The following SMC4 variants were observed in gnomAD, a reference collection of about 807,000 sequenced individuals.
The protein encoded by SMC4 is structural maintenance of chromosomes protein 4.
SMC4 carries 87 observed loss-of-function variants against 145.6 expected under a neutral mutation model. The ratio of observed to expected loss-of-function variants is 0.60; its 90% CI spans 0.50 to 0.71. The LOEUF is 0.71. Ranked by LOEUF, SMC4 falls within the 30% of genes least tolerant of loss-of-function variation. The pLI is 0.00. For synonymous variants in SMC4, 558 were observed against 500.7 expected, an observed-to-expected ratio of 1.11 and a Z score of -1.53; for missense variants, 1,447 against 1,537.1, an observed-to-expected ratio of 0.94 and a Z score of 0.98.
chr3:160,402,406 C>T (rs1028582335), intron 3 of SMC4, among the ~76,000 whole-genome samples: 2 of 151,960 alleles, frequency 1.3e-5, no homozygotes, highest in African/African-American at 4.8e-5. Flanking sequence ...TTAAAGCCTT[C>T]TATGGAACCC....
At chr3:160,430,867 T>A in intron 19 of SMC4, 124 bp downstream of exon 19, 1 of 1,258,640 alleles carries the variant, frequency 7.9e-7, no homozygotes, top group East Asian at 2.6e-5. Context: ...TAACTATCAA[T>A]TTTTATTTGT....
chr3:160,408,771 G>A (rs551578171), intron 5 of SMC4, among the ~76,000 whole-genome samples: 5 of 152,244 alleles, frequency 3.3e-5, no homozygotes, highest in Admixed American at 1.3e-4. Context: ...ATAGGAGATG[G>A]CACAAATGGA....
intron 20 of SMC4, 123 bp from the exon 21 acceptor site, chr3:160,431,520 T>C: frequency 2.6e-6 from 2 of 780,628 alleles, no homozygotes; most frequent in South Asian, 2.0e-5. Flanking sequence ...TGAAAAATAA[T>C]TGATAAATCA....
chr3:160,425,967 T>G, intron 16 of SMC4, 107 bp from the exon 17 acceptor site: 2 of 809,016 alleles, frequency 2.5e-6, no homozygotes, highest in Non-Finnish European at 4.0e-6. Flanking sequence ...CCTCTTCCTA[T>G]TAGTGTGTGT....
intron 5 of SMC4, among the ~76,000 whole-genome samples, chr3:160,409,835 G>A (rs1179492233): frequency 1.3e-5 from 2 of 152,180 alleles, no homozygotes; most frequent in African/African-American, 2.4e-5. Flanking sequence ...GGGAGGCTGA[G>A]GCAAAAGGAT....
intron 15 of SMC4, among the ~76,000 whole-genome samples, 170 bp downstream of exon 15, chr3:160,424,010 T>C (rs895723942): frequency 6.6e-5 from 10 of 152,152 alleles, no homozygotes; most frequent in South Asian, 2.1e-4. Context: ...CTTTAAAGTT[T>C]TAGAAAACAA....
At chr3:160,407,361 T>G (rs1020414950) in intron 5 of SMC4, among the ~76,000 whole-genome samples, 17 of 152,280 alleles carry the variant, frequency 1.1e-4, no homozygotes, top group African/African-American at 3.6e-4. Context: ...GAGACCAGCC[T>G]AGGCAACATG....
At chr3:160,426,684 A>G (rs116621181) in intron 17 of SMC4, among the ~76,000 whole-genome samples, 2,454 of 152,296 alleles carry the variant, frequency 0.016, 38 homozygotes, top group Middle Eastern at 0.041. Flanking sequence ...TAGAATCTTT[A>G]GGCAGGAAAA....
chr3:160,417,956 G>A lies in SMC4; in HGVS notation c.1671G>A (p.Glu557=). ...CTCAAACTGAACAAGAATTAAAGGA[G>A]GTAAATCTTTGCTTCTCTGTTGCAT... ...KLPQTEQELK[E]KEKELQKLTQ... Residue 557 remains glutamate, a splice_region_variant and synonymous_variant, in exon 11 of 24, where the codon GAG becomes GAA. Coordinates refer to ENST00000357388, the MANE Select transcript of SMC4 (RefSeq NM_001002800.3). The A allele has an allele frequency of 6.2e-7, 1 of 1,604,692 alleles. No homozygotes were observed. The highest frequency in any genetic ancestry group is 8.5e-7 in the Non-Finnish European group (1 of 1,173,956).
rs1718301065 is a variant in SMC4, at chr3:160,430,634, CAGAG to C, written c.2833_2836del (p.Glu945LysfsTer3). On this transcript the variant is annotated frameshift_variant, in exon 19 of 24. Transcript: ENST00000357388. LOFTEE classifies it high-confidence loss of function. ...AAGGCACAAGACTCTGTCTTGCGTA[CAGAG>C]AAAGAAATAAAAGATACTGAGAAAG... 1.9e-6 allele frequency: 3 copies of C among 1,612,922 alleles called. No homozygotes were observed. The highest frequency in any genetic ancestry group is 2.5e-6 in the Non-Finnish European group (3 of 1,179,526).
intron 3 of SMC4, 151 bp downstream of exon 3, chr3:160,402,244 C>T (rs1576932249): frequency 1.9e-6 from 1 of 528,692 alleles, no homozygotes. Flanking sequence ...CTCTCACACA[C>T]ACACACACAC....
rs1718789019 is a variant in SMC4 at position 160,434,621 on chromosome 3, G to A, written c.*812G>A. On this transcript the variant is annotated 3_prime_UTR_variant, in exon 24 of 24. Coordinates refer to ENST00000357388, the MANE Select transcript of SMC4 (RefSeq NM_001002800.3). ...TAGGGGTTAATTACTTTAGTAATAA[G>A]TGGAAAGTAAGATACCTTGAGTAAT... 6.6e-6 allele frequency: 1 copy of A among 152,212 alleles called. No individual in the cohort carries two copies. The highest frequency in any genetic ancestry group is 2.1e-4 in the South Asian group (1 of 4,836). The allele number at this position is 152,212 out of a possible 1,614,324, so 9.4% of individuals were successfully genotyped here. A position where few individuals can be genotyped will look rare whatever the true frequency, so the allele number is the denominator to read the frequency against.
intron 18 of SMC4, among the ~76,000 whole-genome samples, chr3:160,429,959 CCT>C (rs1325042818): frequency 2.6e-5 from 4 of 152,072 alleles, no homozygotes; most frequent in African/African-American, 9.7e-5. Context: ...TCATGGTCCC[CCT>C]GCCTCAGCCT....
intron 15 of SMC4, among the ~76,000 whole-genome samples, chr3:160,424,534 C>T (rs570320756): frequency 7.9e-5 from 12 of 152,190 alleles, no homozygotes; most frequent in African/African-American, 2.4e-4. Context: ...TTAGGCTGGG[C>T]GCGGTGGCTC....
In SMC4 at chr3:160,401,965, A is replaced by G. The variant is rs776512140; in HGVS notation, c.190A>G (p.Ser64Gly). 8 of 1,607,870 alleles carry G rather than the reference A, an allele frequency of 5.0e-6. No homozygotes were observed. In the Admixed American group the frequency reaches 5.1e-5, roughly 10 times the overall value. ...DNRSLEEILN[S>G]IPPPPPPAMT... ...TAGAAGTTTAGAAGAGATTTTGAACAGCATTCCTCCTCCCCCGCCTCCAGC... is the reference window on the plus strand; with the variant it reads ...TAGAAGTTTAGAAGAGATTTTGAACGGCATTCCTCCTCCCCCGCCTCCAGC... The change falls in exon 3 of 24, where the codon AGC (serine) becomes GGC (glycine). Residue 64 changes from serine (S) to glycine (G), a missense_variant. Transcript: ENST00000357388.
chr3:160,419,059 C>T (rs888899427), intron 11 of SMC4, among the ~76,000 whole-genome samples: 1 of 152,178 alleles, frequency 6.6e-6, no homozygotes, highest in African/African-American at 2.4e-5. Flanking sequence ...TAGTATCAAA[C>T]TGGGATTTCC....
At chr3:160,429,338 T>A (rs555105992) in intron 18 of SMC4, among the ~76,000 whole-genome samples, 2 of 152,186 alleles carry the variant, frequency 1.3e-5, no homozygotes, top group East Asian at 3.9e-4. Flanking sequence ...GTAACTTACA[T>A]TTTAGTTTTT....
intron 1 of SMC4, 65 bp from the exon 2 acceptor site, chr3:160,400,757 G>T: frequency 2.1e-6 from 3 of 1,410,546 alleles, no homozygotes; most frequent in Non-Finnish European, 2.8e-6. Context: ...AGATTTCCCC[G>T]GGTGGGGCGG....
At chr3:160,419,929 AC>A (rs1320683796) in intron 12 of SMC4, among the ~76,000 whole-genome samples, 3 of 152,120 alleles carry the variant, frequency 2.0e-5, no homozygotes, top group African/African-American at 7.2e-5. Flanking sequence ...ATATAGCAAG[AC>A]TGTTTTTTAA....
Sources: allele counts gnomAD v4.1 joint callset (sites outside exome capture counted in the v4.1 genomes callset), GRCh38; gene constraint gnomAD v4.1.1; transcripts MANE v1.5; gene names NCBI Gene and HGNC (gene_info 2026-07-23, HGNC 2026-07-21).